The following INPP4B variants were observed in gnomAD, a reference collection of about 807,000 sequenced individuals.
INPP4B encodes the protein inositol polyphosphate-4-phosphatase type II B, also known as inositol polyphosphate 4-phosphatase type II.
A neutral mutation model predicts 122.5 loss-of-function variants in INPP4B; 55 were observed. The ratio of observed to expected loss-of-function variants is 0.45; its 90% CI spans 0.36 to 0.56. The LOEUF (loss-of-function observed/expected upper bound fraction) is 0.56, where lower values mean the gene tolerates loss of function less well. Among genes scored for constraint, INPP4B ranks in the 20% least tolerant of loss-of-function variants. The pLI is 0.00. For missense variants in INPP4B, 1,000 were observed against 1,097.7 expected, an observed-to-expected ratio of 0.91 and a Z score of 1.26; for synonymous variants, 403 against 388.7, an observed-to-expected ratio of 1.04 and a Z score of -0.43.
At chr4:142,205,104 T>A (rs1842128825) in intron 14 of INPP4B, among the ~76,000 whole-genome samples, 1 of 152,098 alleles carries the variant, frequency 6.6e-6, no homozygotes, top group South Asian at 2.1e-4. Flanking sequence ...ATTGTCCTCA[T>A]CCTATTTTAC....
intron 2 of INPP4B, among the ~76,000 whole-genome samples, chr4:142,617,408 G>A (rs1257559494): frequency 6.6e-6 from 1 of 152,086 alleles, no homozygotes; most frequent in Admixed American, 6.6e-5. Flanking sequence ...ATGACAGCTG[G>A]AGGCAAAATG....
chr4:142,023,199 A>G lies in INPP4B; in HGVS notation c.*5583T>C, dbSNP rs2152236408. 6.6e-6 allele frequency: 1 copy of G among 152,310 alleles called. No homozygotes were observed. Among genetic ancestry groups the G allele is most frequent in the South Asian group, 2.1e-4 (1 of 4,830 alleles). The allele number at this position is 152,310 out of a possible 1,614,324, so 9.4% of individuals were successfully genotyped here. On this transcript the variant is annotated 3_prime_UTR_variant, in exon 26 of 26. Transcript: ENST00000262992. ...CATTTATTTAAACAAAAATATACACACAGTGTACAATGAATATGGTTTACA... is the reference window on the plus strand; with the variant it reads ...CATTTATTTAAACAAAAATATACACGCAGTGTACAATGAATATGGTTTACA...
intron 2 of INPP4B, among the ~76,000 whole-genome samples, chr4:142,665,451 G>GCA (rs1433793461): frequency 7.1e-6 from 1 of 140,000 alleles, no homozygotes; most frequent in African/African-American, 2.6e-5. Flanking sequence ...CCGAGATCAT[G>GCA]CCACTGCACT....
At chr4:142,635,174 T>A (rs1580571552) in intron 2 of INPP4B, among the ~76,000 whole-genome samples, 1 of 152,128 alleles carries the variant, frequency 6.6e-6, no homozygotes, top group East Asian at 1.9e-4. Flanking sequence ...CTCACACTAG[T>A]CAGAATGGCT....
intron 7 of INPP4B, among the ~76,000 whole-genome samples, chr4:142,344,044 A>G (rs548915342): frequency 6.6e-6 from 1 of 152,082 alleles, no homozygotes; most frequent in Admixed American, 6.6e-5. Context: ...TGCATTCAAG[A>G]TGTCACCATT....
chr4:142,031,178 T>C (rs561475880), intron 25 of INPP4B, among the ~76,000 whole-genome samples: 5 of 152,030 alleles, frequency 3.3e-5, no homozygotes, highest in East Asian at 1.9e-4. Context: ...TATGCTCTAG[T>C]TCATCAGTAT....
chr4:142,349,177 C>T lies in INPP4B; in HGVS notation c.373-34415G>A, dbSNP rs538046728. On this transcript the variant is annotated intron_variant, in intron 7 of 25. Transcript: ENST00000262992. ...CTTGAGTCAATTATCAGCAATCTGT[C>T]TTAACTTAGATACTGTATAAACTTT... 2.4e-3 allele frequency among the ~76,000 whole-genome samples: 361 copies of T among 152,148 alleles called. 2 individuals are homozygous for T. The highest frequency in any genetic ancestry group is 3.8e-3 in the Non-Finnish European group (255 of 67,972).
rs977992798 is a variant in INPP4B at position 142,252,858 on chromosome 4, T to C, written c.688+7634A>G. 4.6e-5 allele frequency among the ~76,000 whole-genome samples: 7 copies of C among 152,306 alleles called. No individual in the cohort carries two copies. The East Asian group carries it at 1.2e-3, about 25-fold the overall frequency. Reference sequence around the variant, plus strand: ...TACATGATCCAATAGCTAAAAGAAATTTATAGTCGTGTAGTTTAACAAGGG... The same window carrying C: ...TACATGATCCAATAGCTAAAAGAAACTTATAGTCGTGTAGTTTAACAAGGG... On this transcript the variant is annotated intron_variant, in intron 11 of 25. Transcript: ENST00000262992.
intron 1 of INPP4B, among the ~76,000 whole-genome samples, chr4:142,760,540 C>T (rs1771178012): frequency 6.6e-6 from 1 of 151,970 alleles, no homozygotes; most frequent in Non-Finnish European, 1.5e-5. Context: ...TGAAGAGCCA[C>T]AATACTCTTA....
At chr4:142,293,252 C>A (rs1757210225) in intron 9 of INPP4B, among the ~76,000 whole-genome samples, 1 of 151,934 alleles carries the variant, frequency 6.6e-6, no homozygotes, top group South Asian at 2.1e-4. Flanking sequence ...GTTGGCCAGG[C>A]TGGTCTCAAA....
chr4:142,555,512 T>C (rs1258825754), intron 2 of INPP4B, among the ~76,000 whole-genome samples: 4 of 152,144 alleles, frequency 2.6e-5, no homozygotes, highest in Admixed American at 1.3e-4. Flanking sequence ...TTACAGTTGA[T>C]TTATACAGAC....
chr4:142,517,781 C>T (rs1825597031), intron 2 of INPP4B, among the ~76,000 whole-genome samples: 1 of 152,110 alleles, frequency 6.6e-6, no homozygotes, highest in Admixed American at 6.6e-5. Flanking sequence ...ATCAATCCCT[C>T]CCTCTCCCCT....
At chr4:142,693,198 G>GA (rs1202572405) in intron 2 of INPP4B, among the ~76,000 whole-genome samples, 1 of 151,818 alleles carries the variant, frequency 6.6e-6, no homozygotes, top group African/African-American at 2.4e-5. Flanking sequence ...ATTACTTTAT[G>GA]AAAAAAATTA....
chr4:142,306,720 G>A (rs1051056332), intron 8 of INPP4B, among the ~76,000 whole-genome samples: 7 of 152,150 alleles, frequency 4.6e-5, no homozygotes, highest in African/African-American at 1.2e-4. Context: ...GGTAAAACAC[G>A]CTGGTCGTGG....
At chr4:142,166,872 T>A (rs1429730988) in intron 16 of INPP4B, among the ~76,000 whole-genome samples, 1 of 151,804 alleles carries the variant, frequency 6.6e-6, no homozygotes, top group Non-Finnish European at 1.5e-5. Context: ...TGGTGAGTAC[T>A]AAAAAGTCAA....
intron 2 of INPP4B, among the ~76,000 whole-genome samples, chr4:142,539,297 A>G (rs946751802): frequency 7.9e-5 from 12 of 152,052 alleles, no homozygotes; most frequent in Admixed American, 6.6e-4. Context: ...GCTTCAAGGT[A>G]TATTTGACTG....
In INPP4B at chr4:142,645,027, T is replaced by C. The variant is rs190216648; in HGVS notation, c.-191+80812A>G. 9.9e-5 allele frequency among the ~76,000 whole-genome samples: 15 copies of C among 151,664 alleles called. No individual in the cohort carries two copies. The East Asian group carries it at 2.9e-3, about 29-fold the overall frequency. On this transcript the variant is annotated intron_variant, in intron 2 of 25. Transcript: ENST00000262992. ...GATCTGATTCTATAATTACTAAAAA[T>C]CAAGATGTATCTAAAGCTTTGTTGA...
intron 2 of INPP4B, among the ~76,000 whole-genome samples, chr4:142,700,658 C>T (rs1761628923): frequency 7.4e-6 from 1 of 134,512 alleles, no homozygotes; most frequent in South Asian, 2.7e-4. Context: ...TTTGCCCTGT[C>T]TTATTTGCAT....
At chr4:142,790,596 T>A (rs1291759553) in intron 1 of INPP4B, among the ~76,000 whole-genome samples, 2 of 151,820 alleles carry the variant, frequency 1.3e-5, no homozygotes, top group Admixed American at 6.6e-5. Flanking sequence ...AGAAAAGTTT[T>A]AATAGATTTT....
Sources: allele counts gnomAD v4.1 joint callset (sites outside exome capture counted in the v4.1 genomes callset), GRCh38; gene constraint gnomAD v4.1.1; transcripts MANE v1.5; gene names NCBI Gene and HGNC (gene_info 2026-07-23, HGNC 2026-07-21).